Variants in IKBKB observed in about 807,000 individuals in gnomAD.
IKBKB encodes the protein inhibitor of nuclear factor kappa-B kinase subunit beta.
IKBKB carries 42 observed loss-of-function variants against 113.6 expected under a neutral mutation model. That is an observed-to-expected ratio of 0.37 (90% CI 0.29 to 0.48). The LOEUF (loss-of-function observed/expected upper bound fraction) is 0.48, where lower values mean the gene tolerates loss of function less well. IKBKB is among the 20% of genes least tolerant of loss of function. The probability of loss-of-function intolerance (pLI) is 0.99; values close to 1 mark genes in which losing one functional copy is unlikely to be tolerated. For synonymous variants in IKBKB, 296 were observed against 361.3 expected (o/e 0.82, Z 2.05); for missense variants, 673 against 939.7 (o/e 0.72, Z 3.71).
intron 5 of IKBKB, among the ~76,000 whole-genome samples, chr8:42,302,306 T>C (rs900409593): frequency 6.6e-6 from 1 of 152,238 alleles, no homozygotes; most frequent in East Asian, 1.9e-4. Context: ...AGATGAAATA[T>C]AATTTTTTAG....
chr8:42,281,066 C>T (rs1338721920), intron 2 of IKBKB, among the ~76,000 whole-genome samples: 2 of 152,204 alleles, frequency 1.3e-5, no homozygotes, highest in South Asian at 2.1e-4. Flanking sequence ...ATCCAAGCAC[C>T]GAACTGCATG....
At chr8:42,300,296 T>C (rs1445149679) in intron 5 of IKBKB, among the ~76,000 whole-genome samples, 2 of 152,180 alleles carry the variant, frequency 1.3e-5, no homozygotes, top group African/African-American at 2.4e-5. Context: ...ACGGACATCC[T>C]GTTGCCTTTC....
chr8:42,283,147 G>C (rs997075967), intron 2 of IKBKB, among the ~76,000 whole-genome samples: 1 of 152,202 alleles, frequency 6.6e-6, no homozygotes, highest in Non-Finnish European at 1.5e-5. Context: ...TGACAGCTGT[G>C]TATCAGGTCC....
intron 8 of IKBKB, among the ~76,000 whole-genome samples, chr8:42,312,454 A>G (rs1218848947): frequency 1.3e-5 from 2 of 152,208 alleles, no homozygotes; most frequent in African/African-American, 4.8e-5. Flanking sequence ...TTTGTGGACT[A>G]TCTAGTTTTT....
chr8:42,271,863 C>T (rs1807825483), intron 1 of IKBKB: 2 of 576,598 alleles, frequency 3.5e-6, no homozygotes, highest in Non-Finnish European at 6.0e-6. Flanking sequence ...TCTTCCTTGC[C>T]TGATGCCACA....
At chr8:42,280,323 C>T (rs372566610) in intron 2 of IKBKB, among the ~76,000 whole-genome samples, 3 of 152,164 alleles carry the variant, frequency 2.0e-5, no homozygotes, top group Admixed American at 6.6e-5. Flanking sequence ...CACATTGTGT[C>T]GGGACTCCCT....
At chr8:42,309,096 C>T (rs1817166676) in intron 8 of IKBKB, 71 bp downstream of exon 8, 10 of 1,497,078 alleles carry the variant, frequency 6.7e-6, no homozygotes, top group African/African-American at 1.4e-5. Flanking sequence ...TACCCTGTTT[C>T]CCTGGCGCCC....
chr8:42,289,175 A>C (rs368022815), intron 3 of IKBKB, among the ~76,000 whole-genome samples: 5 of 152,300 alleles, frequency 3.3e-5, no homozygotes, highest in Non-Finnish European at 5.9e-5. Context: ...AGATCAAGCC[A>C]CTGCACTCCA....
chr8:42,309,058 G>T (rs372223947), intron 8 of IKBKB, 33 bp downstream of exon 8: 1 of 1,604,506 alleles, frequency 6.2e-7, no homozygotes, highest in Non-Finnish European at 8.5e-7. Flanking sequence ...GATGGAGGAG[G>T]GAGCCTGTCT....
intron 20 of IKBKB, among the ~76,000 whole-genome samples, chr8:42,327,818 T>A (rs1481245481): frequency 0.036 from 400 of 11,186 alleles, 17 homozygotes; most frequent in Non-Finnish European, 0.2. Context: ...TTTTTTTTTT[T>A]TTTGAGACGG....
chr8:42,277,236 G>A (rs1809359755), intron 2 of IKBKB, among the ~76,000 whole-genome samples: 1 of 147,304 alleles, frequency 6.8e-6, no homozygotes, highest in African/African-American at 2.5e-5. Flanking sequence ...AGGCTGGAGT[G>A]CAGTGGCTTG....
In IKBKB at chr8:42,287,142, C is replaced by T. The variant is rs558823020; in HGVS notation, c.106-1492C>T. 1.4e-4 allele frequency among the ~76,000 whole-genome samples: 22 copies of T among 152,282 alleles called. No homozygotes were observed. The South Asian group carries it at 4.1e-3, about 29-fold the overall frequency. ...CAGCTGGAGTGCCCGAGGCCAGAGC[C>T]GCTTTCCCTGCTGCCCGTGCCACAG... On this transcript the variant is annotated intron_variant, in intron 2 of 21. Coordinates refer to ENST00000520810, the MANE Select transcript of IKBKB (RefSeq NM_001556.3).
At chr8:42,279,987 TACAGGCGTGAGACAC>T (rs1249995329) in intron 2 of IKBKB, among the ~76,000 whole-genome samples, 1 of 152,170 alleles carries the variant, frequency 6.6e-6, no homozygotes, top group Non-Finnish European at 1.5e-5. Flanking sequence ...TAGCTGGGAC[TACAGGCGTGAGACAC>T]CACGCCTGGC....
Position 42,293,493 on chromosome 8 carries a change from C to T in IKBKB, c.369C>T (p.Leu123=). The change falls in exon 5 of 22, where the codon CTC becomes CTT. Residue 123 remains leucine, a synonymous_variant. Transcript: ENST00000520810. The part of the protein sequence containing the change: ...NCCGLREGAI[L]TLLSDIASAL... ...GTGGTCTGCGGGAAGGTGCCATCCT[C>T]ACCTTGCTGAGTGACATTGGTAAAT... The T allele has an allele frequency of 6.2e-7, 1 of 1,614,224 alleles. No individual in the cohort carries two copies. Among genetic ancestry groups the T allele is most frequent in the East Asian group, 2.2e-5 (1 of 44,888 alleles).
chr8:42,287,413 A>G (rs1811642855), intron 2 of IKBKB, among the ~76,000 whole-genome samples: 1 of 152,246 alleles, frequency 6.6e-6, no homozygotes, highest in South Asian at 2.1e-4. Context: ...TGAAGGAATT[A>G]CCTGTTACAG....
chr8:42,317,710 T>C lies in IKBKB; in HGVS notation c.1179T>C (p.Ser393=), dbSNP rs1438906662. The C allele has an allele frequency of 6.2e-7, 1 of 1,614,080 alleles. No individual in the cohort carries two copies. The highest frequency in any genetic ancestry group is 2.2e-5 in the East Asian group (1 of 44,890). Residue 393 remains serine, a synonymous_variant, in exon 12 of 22, where the codon AGT becomes AGC. Transcript: ENST00000520810. ...DMDLVFLFDN[S]KITYETQISP... is the part of the protein sequence containing the mutation. Reference sequence around the variant, plus strand: ...ATCTTGTTTTTCTCTTTGACAACAGTAAAATCACCTATGAGACTCAGATCT... The same window carrying C: ...ATCTTGTTTTTCTCTTTGACAACAGCAAAATCACCTATGAGACTCAGATCT...
Position 42,331,563 on chromosome 8 carries a change from C to G in IKBKB, c.*584C>G. The G allele has an allele frequency of 1.7e-6, 1 of 601,228 alleles. No individual in the cohort carries two copies. Among genetic ancestry groups the G allele is most frequent in the Non-Finnish European group, 3.0e-6 (1 of 337,262 alleles). 37.2% of individuals were successfully genotyped at this position (601,228 alleles called of 1,614,324 possible). ...TAGTTGCGGCCTGGCCCCATCCTCA[C>G]TTCCTCTTTTTATTTCACTGCTGCT... On this transcript the variant is annotated 3_prime_UTR_variant, in exon 22 of 22. Transcript: ENST00000520810.
chr8:42,292,668 A>C (rs1812895460), intron 4 of IKBKB, among the ~76,000 whole-genome samples: 1 of 152,110 alleles, frequency 6.6e-6, no homozygotes, highest in Admixed American at 6.5e-5. Context: ...CTCAGATGGG[A>C]AGCTCCTCTC....
chr8:42,320,677 C>A, intron 15 of IKBKB, 58 bp from the exon 16 acceptor site: 2 of 1,403,808 alleles, frequency 1.4e-6, no homozygotes, highest in South Asian at 1.2e-5. Context: ...CCCCGCAGAT[C>A]TTGCATCTCA....
Sources: allele counts gnomAD v4.1 joint callset (sites outside exome capture counted in the v4.1 genomes callset), GRCh38; gene constraint gnomAD v4.1.1; transcripts MANE v1.5; gene names NCBI Gene and HGNC (gene_info 2026-07-23, HGNC 2026-07-21).